Variants in TESMIN observed in about 807,000 individuals in gnomAD.
TESMIN encodes testis expressed metallothionein like protein, also known as CXC domain containing 2.
TESMIN carries 34 observed loss-of-function variants against 47.4 expected under a neutral mutation model. That is an observed-to-expected ratio of 0.72 (90% confidence interval 0.55 to 0.96). The LOEUF (loss-of-function observed/expected upper bound fraction) is 0.96. TESMIN is among the 40% of genes least tolerant of loss of function. TESMIN has a pLI of 0.00. For missense variants in TESMIN, 610 were observed against 637.2 expected (o/e 0.96, Z 0.46); for synonymous variants, 278 against 258.9 (o/e 1.07, Z -0.71).
chr11:68,735,111 G>A (rs1038306945), intron 6 of TESMIN, among the ~76,000 whole-genome samples: 4 of 152,234 alleles, frequency 2.6e-5, no homozygotes, highest in Non-Finnish European at 1.5e-5. Flanking sequence ...AATTCATCTA[G>A]TTTTGTTTTT....
At chr11:68,709,362 G>A (rs895441703) in intron 9 of TESMIN, among the ~76,000 whole-genome samples, 2 of 152,198 alleles carry the variant, frequency 1.3e-5, no homozygotes, top group African/African-American at 2.4e-5. Context: ...CTCCCCGCAG[G>A]CCCACGTGCA....
intron 7 of TESMIN, among the ~76,000 whole-genome samples, chr11:68,713,916 G>T (rs762104034): frequency 6.6e-6 from 1 of 152,086 alleles, no homozygotes; most frequent in Non-Finnish European, 1.5e-5. Flanking sequence ...GCACCGAGAG[G>T]TTAAATAACT....
intron 4 of TESMIN, among the ~76,000 whole-genome samples, chr11:68,743,050 T>C (rs936022996): frequency 1.8e-4 from 27 of 151,970 alleles, no homozygotes; most frequent in African/African-American, 6.0e-4. Context: ...GCTAATGTTT[T>C]CATTTTTTGT....
intron 9 of TESMIN, 51 bp downstream of exon 9, chr11:68,710,823 C>T (rs750605071): frequency 3.3e-6 from 5 of 1,495,402 alleles, no homozygotes; most frequent in Non-Finnish European, 4.5e-6. Context: ...ATTCTCCTCT[C>T]AAATTAACCT....
chr11:68,724,999 A>G (rs1344699594), intron 6 of TESMIN, among the ~76,000 whole-genome samples: 1 of 152,216 alleles, frequency 6.6e-6, no homozygotes, highest in Admixed American at 6.5e-5. Flanking sequence ...AAGGCAAGGA[A>G]AAGGGAAAAG....
chr11:68,750,149 G>C, intron 2 of TESMIN, 41 bp downstream of exon 2: 2 of 1,402,184 alleles, frequency 1.4e-6, no homozygotes, highest in Non-Finnish European at 1.9e-6. Flanking sequence ...TTGGGGAAGG[G>C]ATGGAGGGGG....
In TESMIN at chr11:68,750,678, C is replaced by G; in HGVS notation, c.-18G>C. ...TCCTCCATGGCGCAGGGCGGCGGGG[C>G]GGGATGGCGGGGGCCGCGCACCTGC... On this transcript the variant is annotated 5_prime_UTR_variant, in exon 2 of 10. Coordinates refer to ENST00000255087, the MANE Select transcript of TESMIN (RefSeq NM_004923.3). 2 of 1,436,234 alleles carry G rather than the reference C, an allele frequency of 1.4e-6. No individual in the cohort carries two copies. Among genetic ancestry groups the G allele is most frequent in the Non-Finnish European group, 1.8e-6 (2 of 1,089,088 alleles). The allele number at this position is 1,436,234 out of a possible 1,614,324, so 89.0% of individuals were successfully genotyped here.
At chr11:68,751,165 GGGGTGGGGGTCAGGTGAGGGGCGCCCA>G (rs1946602031) in intron 1 of TESMIN, among the ~76,000 whole-genome samples, 7 of 118,196 alleles carry the variant, frequency 5.9e-5, no homozygotes, top group Non-Finnish European at 9.1e-5. Flanking sequence ...GGGGCCGGCC[GGGGTGGGGGTCAGGTGAGGGGCGCCCA>G]GGGGAGGGGG....
chr11:68,738,633 G>A (rs193149779), intron 6 of TESMIN, 67 bp downstream of exon 6: 12 of 1,597,554 alleles, frequency 7.5e-6, no homozygotes, highest in East Asian at 4.5e-5. Context: ...GAAGAAAATC[G>A]TGAACGTATC....
At chr11:68,706,559 T>A (rs1280534438), downstream of TESMIN, among the ~76,000 whole-genome samples, 1 of 152,184 alleles carries the variant, frequency 6.6e-6, no homozygotes, top group Non-Finnish European at 1.5e-5. Flanking sequence ...CTCCCTCCAC[T>A]CGGTGCCCCA....
At chr11:68,717,158 T>C (rs1480638880) in intron 6 of TESMIN, among the ~76,000 whole-genome samples, 1 of 152,242 alleles carries the variant, frequency 6.6e-6, no homozygotes, top group African/African-American at 2.4e-5. Flanking sequence ...CTTTTCATAA[T>C]TATTATTTTC....
intron 6 of TESMIN, among the ~76,000 whole-genome samples, chr11:68,728,966 C>T (rs548325756): frequency 2.0e-5 from 3 of 152,274 alleles, no homozygotes; most frequent in African/African-American, 7.2e-5. Context: ...TGGAGCTGTG[C>T]AAGGAGATTA....
At chr11:68,730,023 T>A (rs899310958) in intron 6 of TESMIN, among the ~76,000 whole-genome samples, 14 of 152,122 alleles carry the variant, frequency 9.2e-5, no homozygotes, top group Non-Finnish European at 1.8e-4. Context: ...CCCTCAACAG[T>A]CAATAGCCAC....
intron 6 of TESMIN, among the ~76,000 whole-genome samples, chr11:68,732,393 C>T (rs1042747641): frequency 2.0e-5 from 3 of 152,112 alleles, no homozygotes; most frequent in Non-Finnish European, 2.9e-5. Flanking sequence ...TAGGAGTTAC[C>T]TCATTTTGTC....
intron 7 of TESMIN, among the ~76,000 whole-genome samples, chr11:68,714,111 C>T (rs1387144022): frequency 2.6e-5 from 4 of 152,212 alleles, no homozygotes; most frequent in African/African-American, 9.7e-5. Context: ...CAATTCAACG[C>T]TCTTTGTAAA....
intron 3 of TESMIN, among the ~76,000 whole-genome samples, chr11:68,746,025 T>C (rs944705545): frequency 1.3e-5 from 2 of 152,198 alleles, no homozygotes; most frequent in African/African-American, 4.8e-5. Flanking sequence ...CAAAGAACCA[T>C]AAAGGACCAA....
Position 68,708,439 on chromosome 11 carries a change from G to A in TESMIN, c.1396C>T (p.Gln466Ter). The A allele has an allele frequency of 6.2e-7, 1 of 1,614,132 alleles. No homozygotes were observed. The highest frequency in any genetic ancestry group is 8.5e-7 in the Non-Finnish European group (1 of 1,179,998). Residue 466 changes from glutamine (Q) to a stop codon, truncating the protein, a stop_gained, in exon 10 of 10, where the codon CAG becomes TAG. Coordinates refer to ENST00000255087, the MANE Select transcript of TESMIN (RefSeq NM_004923.3). LOFTEE classifies it low-confidence loss of function (END_TRUNC). Reference protein sequence around the residue: ...VEATCACLLAQGEEAEKEHCS... With the variant: ...VEATCACLLA ...TGTTCTTTCTCGGCCTCTTCTCCCT[G>A]AGCAAGCAGGCAGGCGCATGTGGCC...
chr11:68,729,514 ACT>A (rs1946303590), intron 6 of TESMIN, among the ~76,000 whole-genome samples: 1 of 148,356 alleles, frequency 6.7e-6, no homozygotes, highest in South Asian at 2.2e-4. Context: ...ACAGAGGAAG[ACT>A]CTGTCTCAAA....
chr11:68,711,306 G>C (rs1241391746), intron 8 of TESMIN, among the ~76,000 whole-genome samples: 2 of 25,234 alleles, frequency 7.9e-5, no homozygotes, highest in African/African-American at 1.6e-4. Context: ...GTGTATATGA[G>C]TGTGTGTGGG....
Sources: allele counts gnomAD v4.1 joint callset (sites outside exome capture counted in the v4.1 genomes callset), GRCh38; gene constraint gnomAD v4.1.1; transcripts MANE v1.5; gene names NCBI Gene and HGNC (gene_info 2026-07-23, HGNC 2026-07-21).